The following ADAM20 variants were observed in gnomAD, a reference collection of about 807,000 sequenced individuals.
The protein encoded by ADAM20 is ADAM metallopeptidase domain 20, also known as disintegrin and metalloproteinase domain-containing protein 20.
For missense variants in ADAM20, 871 were observed against 883.2 expected (o/e 0.99, Z 0.18); for synonymous variants, 305 against 310.2 (o/e 0.98, Z 0.18).
Position 70,530,319 on chromosome 14 carries a change from T to C in ADAM20, c.-177+4478A>G, listed in dbSNP as rs377508906. ...CCATTGGAAGGGGCAATAGCATACA[T>C]GGAGCTGTCATCTCCTATGATCACA... On this transcript the variant is annotated intron_variant, in intron 1 of 1. Transcript: ENST00000256389. Among the ~76,000 whole-genome samples the C allele has an allele frequency of 3.3e-4, 50 of 152,300 alleles. No individual in the cohort carries two copies. In the East Asian group the frequency reaches 7.5e-3, roughly 23 times the overall value.
chr14:70,566,387 T>C, the ADAM20 span, among the ~76,000 whole-genome samples: 1 of 152,082 alleles, frequency 6.6e-6, no homozygotes, highest in African/African-American at 2.4e-5. Flanking sequence ...AATATGTTTA[T>C]GTAAGTCCCA....
Position 70,525,425 on chromosome 14 carries a change from T to C in ADAM20, c.-176-492A>G, listed in dbSNP as rs377559197. On this transcript the variant is annotated intron_variant, in intron 1 of 1. Coordinates refer to ENST00000256389, the MANE Select transcript of ADAM20 (RefSeq NM_003814.5). ...GGGATAGAGATGGAGTCTCACTATG[T>C]TACCCAGGCTGGTCTCAAACTCCTG... Among the ~76,000 whole-genome samples the C allele has an allele frequency of 3.0e-4, 46 of 152,206 alleles. 1 individual carries two copies. The highest frequency in any genetic ancestry group is 1.1e-3 in the African/African-American group (44 of 41,542).
chr14:70,536,753 A>G (rs1204445145), upstream of ADAM20, among the ~76,000 whole-genome samples: 1 of 152,030 alleles, frequency 6.6e-6, no homozygotes, highest in East Asian at 1.9e-4. Context: ...AACCAGAGAC[A>G]TGCCAGCCCC....
At chr14:70,559,243 TCA>T in the ADAM20 span, among the ~76,000 whole-genome samples, 1 of 150,844 alleles carries the variant, frequency 6.6e-6, no homozygotes, top group Non-Finnish European at 1.5e-5. Flanking sequence ...CTTCCCCATC[TCA>T]GTTAATCCCA....
chr14:70,522,886 C>A lies in ADAM20; in HGVS notation c.1872G>T (p.Lys624Asn). The change falls in exon 2 of 2, where the codon AAG becomes AAT. Residue 624 changes from lysine (K) to asparagine (N), a missense_variant. By Grantham distance (94) the Lys-to-Asn change is moderately conservative (BLOSUM62 0). Transcript: ENST00000256389. ...CGPEKICIRK[K>N]CASMVHLSQA... ...GTGACAGATGAACCATACTGGCACA[C>A]TTCTTACGGATGCAGATCTTTTCTG... is the stretch of plus-strand genomic sequence containing the variant. 6.2e-7 allele frequency: 1 copy of A among 1,614,060 alleles called. No homozygotes were observed.
At chr14:70,531,705 C>T (rs545464636) in intron 1 of ADAM20, among the ~76,000 whole-genome samples, 2 of 152,018 alleles carry the variant, frequency 1.3e-5, no homozygotes, top group South Asian at 2.1e-4. Context: ...TAATTATATA[C>T]TAACAATAAA....
the ADAM20 span, among the ~76,000 whole-genome samples, chr14:70,566,503 G>A: frequency 5.3e-5 from 8 of 152,134 alleles, no homozygotes; most frequent in Middle Eastern, 3.4e-3. Flanking sequence ...GACAAAAGGG[G>A]AGGAGAAGAA....
chr14:70,553,479 G>C, the ADAM20 span, among the ~76,000 whole-genome samples: 2 of 107,064 alleles, frequency 1.9e-5, no homozygotes, highest in African/African-American at 3.7e-5. Context: ...TCAAGAAAAA[G>C]AGAACCACAG....
the ADAM20 span, among the ~76,000 whole-genome samples, chr14:70,540,828 C>T: frequency 1.3e-5 from 2 of 152,116 alleles, no homozygotes; most frequent in East Asian, 3.9e-4. Context: ...GAGTCTTGCT[C>T]TGTTGCCAAG....
rs1369249828 is a variant in ADAM20 at position 70,524,471 on chromosome 14, T to A, written c.287A>T (p.His96Leu). Residue 96 changes from histidine (H) to leucine (L), a missense_variant, in exon 2 of 2, where the codon CAT becomes CTT. Transcript: ENST00000256389. ...GAAGGGCTGATCCTGGAGCAGGGCATGCTGCTCTGTGTAGGTGAACACAGG... is the reference window on the plus strand; with the variant it reads ...GAAGGGCTGATCCTGGAGCAGGGCAAGCTGCTCTGTGTAGGTGAACACAGG... ...HLPVFTYTEQ[H>L]ALLQDQPFIQ... 6 of 1,614,042 alleles carry A rather than the reference T, an allele frequency of 3.7e-6. No homozygotes were observed.
the ADAM20 span, among the ~76,000 whole-genome samples, chr14:70,544,976 G>A: frequency 6.6e-6 from 1 of 152,236 alleles, no homozygotes; most frequent in African/African-American, 2.4e-5. Context: ...AACAAAAATT[G>A]TAAGTATTAG....
Position 70,523,591 on chromosome 14 carries a change from GAT to G in ADAM20, c.1165_1166del (p.Ile389GlnfsTer2). 2 of 1,613,990 alleles carry G rather than the reference GAT, an allele frequency of 1.2e-6. No homozygotes were observed. Among genetic ancestry groups the G allele is most frequent in the Non-Finnish European group, 1.7e-6 (2 of 1,179,982 alleles). ...CSYAQYWDST[I>X]SSGLCIQPPP... Reference sequence around the variant, plus strand: ...GCGGTTGAATACATAATCCACTACTGATAGTACTGTCCCAATATTGGGCATAA... The same window carrying G: ...GCGGTTGAATACATAATCCACTACTGAGTACTGTCCCAATATTGGGCATAA... On this transcript the variant is annotated frameshift_variant, in exon 2 of 2. Coordinates refer to ENST00000256389, the MANE Select transcript of ADAM20 (RefSeq NM_003814.5). LOFTEE classifies it low-confidence loss of function (END_TRUNC).
rs138673978 is a variant in ADAM20 at position 70,524,685 on chromosome 14, T to TAG, written c.71_72dup (p.Ile25LeufsTer20). 9.7e-5 allele frequency: 156 copies of TAG among 1,613,882 alleles called. No individual in the cohort carries two copies. In the African/African-American group the frequency reaches 2.0e-3, roughly 21 times the overall value. Reference sequence around the variant, plus strand: ...GGCCTGGCCTGAGAGTGGCCAGAAATAGACAAAAACATCCCAAACCAGAGC... The same window carrying TAG: ...GGCCTGGCCTGAGAGTGGCCAGAAATAGAGACAAAAACATCCCAAACCAGAGC... On this transcript the variant is annotated frameshift_variant, in exon 2 of 2. Transcript: ENST00000256389. LOFTEE classifies it low-confidence loss of function (END_TRUNC).
the ADAM20 span, among the ~76,000 whole-genome samples, chr14:70,575,874 C>T: frequency 6.6e-6 from 1 of 152,070 alleles, no homozygotes; most frequent in East Asian, 1.9e-4. Flanking sequence ...AAAAAGGAGA[C>T]AAAAATTTGA....
intron 1 of ADAM20, among the ~76,000 whole-genome samples, chr14:70,533,573 A>ATTCTT (rs1883761466): frequency 6.6e-6 from 1 of 152,018 alleles, no homozygotes; most frequent in Non-Finnish European, 1.5e-5. Flanking sequence ...ACACAGGGAG[A>ATTCTT]AGAACATCAC....
At position 70,522,620 on chromosome 14, in the gene ADAM20, A is replaced by T; in HGVS notation, c.2138T>A (p.Leu713His). Residue 713 changes from leucine to histidine, a missense_variant, in exon 2 of 2, where the codon CTT (leucine) becomes CAT (histidine). Leu to His is a moderately conservative substitution (Grantham distance 99). Coordinates refer to ENST00000256389, the MANE Select transcript of ADAM20 (RefSeq NM_003814.5). ...VAFLLFCLHV[L>H]FKKRTKSKED... ...TTTACTTTTTGTGCGTTTCTTAAAA[A>T]GCACATGTAAGCAAAATAATAAAAA... The T allele has an allele frequency of 6.2e-7, 1 of 1,612,724 alleles. No individual in the cohort carries two copies. Among genetic ancestry groups the T allele is most frequent in the Non-Finnish European group, 8.5e-7 (1 of 1,179,554 alleles).
the ADAM20 span, among the ~76,000 whole-genome samples, chr14:70,561,714 G>A: frequency 7.9e-5 from 12 of 152,196 alleles, 1 homozygote; most frequent in South Asian, 6.2e-4. Flanking sequence ...GGCTAAAAGG[G>A]GCCAAAGTAC....
upstream of ADAM20, chr14:70,535,071 T>C (rs186498775): frequency 1.3e-5 from 2 of 152,370 alleles, no homozygotes; most frequent in African/African-American, 2.4e-5. Flanking sequence ...TCAATGTTGA[T>C]TGCAGTGAAC....
upstream of ADAM20, among the ~76,000 whole-genome samples, chr14:70,539,113 G>C (rs576114308): frequency 1.3e-5 from 2 of 150,712 alleles, no homozygotes; most frequent in African/African-American, 4.9e-5. Flanking sequence ...CCCCCACAGA[G>C]AGCCTATGAA....
Sources: gnomAD v4.1 joint callset for allele counts (sites outside exome capture counted in the v4.1 genomes callset) on GRCh38, gnomAD v4.1.1 for gene constraint, MANE v1.5 for transcripts, NCBI Gene and HGNC (gene_info 2026-07-23, HGNC 2026-07-21) for gene names.